Variants in LCORL observed in about 807,000 individuals in gnomAD.
LCORL encodes ligand-dependent nuclear receptor corepressor-like protein.
Under a neutral mutation model 141.8 loss-of-function variants are expected in LCORL, and 41 were observed. The observed-to-expected ratio is 0.29, with a 90% CI of 0.23 to 0.38. The LOEUF is 0.38. Ranked by LOEUF, LCORL falls within the 10% of genes least tolerant of loss-of-function variation. The pLI is 1.00. For missense variants in LCORL, 1,759 were observed against 2,035.0 expected (o/e 0.86, Z 2.61); for synonymous variants, 618 against 694.1 (o/e 0.89, Z 1.72).
rs7658714 is a variant in LCORL at position 17,900,968 on chromosome 4, C to T, written c.682+8126G>A. Among the ~76,000 whole-genome samples, 436 of 151,320 alleles carry T rather than the reference C, an allele frequency of 2.9e-3. 2 individuals are homozygous for T. Among genetic ancestry groups the T allele is most frequent in the African/African-American group, 8.8e-3 (359 of 41,008 alleles). ...GAAAGGAAATCTGCTTCCCCTGTCACCTCATCAAACTGCTTGTGACCCATG... is the reference window on the plus strand; with the variant it reads ...GAAAGGAAATCTGCTTCCCCTGTCATCTCATCAAACTGCTTGTGACCCATG... On this transcript the variant is annotated intron_variant, in intron 5 of 7. Coordinates refer to ENST00000635767, the Ensembl canonical transcript of LCORL.
At position 17,999,271 on chromosome 4, in the gene LCORL, G is replaced by C. The variant is rs1267270365; in HGVS notation, c.154+22327C>G. On this transcript the variant is annotated intron_variant, in intron 1 of 7. Transcript: ENST00000635767. ...GATGGAGACCAGCCTGGTGAACACGGTGAAACCCCGTCTCTACTAAAAATA... is the reference window on the plus strand; with the variant it reads ...GATGGAGACCAGCCTGGTGAACACGCTGAAACCCCGTCTCTACTAAAAATA... 2.6e-5 allele frequency among the ~76,000 whole-genome samples: 4 copies of C among 151,746 alleles called. 1 individual carries two copies. The East Asian group carries it at 7.8e-4, about 30-fold the overall frequency.
intron 7 of LCORL, among the ~76,000 whole-genome samples, chr4:17,861,682 C>G (rs563257883): frequency 1.3e-5 from 2 of 152,122 alleles, no homozygotes; most frequent in African/African-American, 4.8e-5. Context: ...GCAAATTTTC[C>G]GAACTTTTAT....
At chr4:17,930,108 G>A (rs1327300961) in intron 4 of LCORL, among the ~76,000 whole-genome samples, 1 of 152,144 alleles carries the variant, frequency 6.6e-6, no homozygotes, top group Non-Finnish European at 1.5e-5. Flanking sequence ...ATAATAACAA[G>A]TATTGTGGAG....
At chr4:17,953,127 T>G (rs1272436938) in intron 4 of LCORL, among the ~76,000 whole-genome samples, 1 of 152,234 alleles carries the variant, frequency 6.6e-6, no homozygotes, top group Non-Finnish European at 1.5e-5. Context: ...GCACCACATT[T>G]TCTTTATCCA....
At chr4:17,885,548 C>T (rs1193427347) in intron 6 of LCORL, among the ~76,000 whole-genome samples, 4 of 151,704 alleles carry the variant, frequency 2.6e-5, no homozygotes, top group Non-Finnish European at 4.4e-5. Context: ...CATTTCACTA[C>T]TAATTATTTA....
chr4:17,946,842 T>C (rs565959120), intron 4 of LCORL, among the ~76,000 whole-genome samples: 57 of 151,986 alleles, frequency 3.8e-4, no homozygotes, highest in South Asian at 6.2e-4. Context: ...GTGAGGCATA[T>C]AGAAACTAAG....
chr4:17,864,852 T>C (rs531762084), intron 7 of LCORL, among the ~76,000 whole-genome samples: 4 of 152,296 alleles, frequency 2.6e-5, no homozygotes, highest in East Asian at 3.9e-4. Flanking sequence ...ACAACTCTAG[T>C]AGTTATCAGA....
intron 1 of LCORL, among the ~76,000 whole-genome samples, chr4:17,990,995 A>G (rs1011967399): frequency 6.6e-6 from 1 of 152,236 alleles, no homozygotes; most frequent in Non-Finnish European, 1.5e-5. Flanking sequence ...AAAAAAATAA[A>G]AATAAAAAGC....
chr4:17,966,024 G>A (rs1305612113), intron 2 of LCORL, among the ~76,000 whole-genome samples: 1 of 152,034 alleles, frequency 6.6e-6, no homozygotes, highest in African/African-American at 2.4e-5. Flanking sequence ...TGGTCTGAGG[G>A]AAAGATACTA....
intron 4 of LCORL, among the ~76,000 whole-genome samples, chr4:17,959,545 T>C (rs1371636915): frequency 6.6e-6 from 1 of 152,092 alleles, no homozygotes; most frequent in Admixed American, 6.6e-5. Flanking sequence ...TCACAACTGA[T>C]GATATCAATC....
chr4:17,902,770 C>A (rs1207522820), intron 5 of LCORL, among the ~76,000 whole-genome samples: 1 of 151,804 alleles, frequency 6.6e-6, no homozygotes, highest in East Asian at 1.9e-4. Flanking sequence ...CACTTGAAGC[C>A]TACTTAGTAT....
chr4:17,892,545 C>A (rs948270300), intron 5 of LCORL, among the ~76,000 whole-genome samples: 1 of 151,940 alleles, frequency 6.6e-6, no homozygotes, highest in East Asian at 1.9e-4. Flanking sequence ...TATTTTCTTC[C>A]CGATGTGTTT....
At chr4:18,011,332 A>G (rs188950353) in intron 1 of LCORL, among the ~76,000 whole-genome samples, 10 of 152,296 alleles carry the variant, frequency 6.6e-5, no homozygotes. Flanking sequence ...TGAGCTTCTT[A>G]AAACTATTGC....
At chr4:18,008,249 G>A (rs981246156) in intron 1 of LCORL, among the ~76,000 whole-genome samples, 4 of 152,116 alleles carry the variant, frequency 2.6e-5, no homozygotes, top group Non-Finnish European at 5.9e-5. Context: ...GTAAAAGCAA[G>A]AAAAAAATTA....
At position 17,948,802 on chromosome 4, in the gene LCORL, AACAATTTTCAGAGGAGTAAAGAG is replaced by A. The variant is rs1240201323; in HGVS notation, c.430+13078_430+13100del. On this transcript the variant is annotated intron_variant, in intron 4 of 7. Transcript: ENST00000635767. ...GGAAAAAAAAAGGGAGAAAATGGGA[AACAATTTTCAGAGGAGTAAAGAG>A]ACAATTTTCAGAGGAGTAAAGAGAC... Among the ~76,000 whole-genome samples, 1,171 of 152,190 alleles carry A rather than the reference AACAATTTTCAGAGGAGTAAAGAG, an allele frequency of 7.7e-3. 11 individuals are homozygous for A. The highest frequency in any genetic ancestry group is 0.027 in the African/African-American group (1,102 of 41,548).
At chr4:17,842,436 A>G (rs1441763046) in exon 8 of LCORL, 1 of 1,423,322 alleles carries the variant, frequency 7.0e-7, no homozygotes, top group Non-Finnish European at 9.8e-7. Context: ...TATTTCTACA[A>G]GTAGAAAAAA....
chr4:17,882,052 A>C (rs1311116593), intron 6 of LCORL: 1 of 983,682 alleles, frequency 1.0e-6, no homozygotes, highest in African/African-American at 1.8e-5. Flanking sequence ...TTAAGTATAG[A>C]TCTCAGAGAC....
At chr4:17,941,346 C>T (rs1737925903) in intron 4 of LCORL, among the ~76,000 whole-genome samples, 2 of 151,994 alleles carry the variant, frequency 1.3e-5, no homozygotes, top group African/African-American at 4.8e-5. Context: ...TTTTTATATG[C>T]TACTCAGGAG....
At chr4:17,893,630 T>A (rs1577348061) in intron 5 of LCORL, 1 of 983,688 alleles carries the variant, frequency 1.0e-6, no homozygotes. Context: ...CATTTTCTTA[T>A]TTGTTTTCTA....
Sources: allele counts gnomAD v4.1 joint callset (sites outside exome capture counted in the v4.1 genomes callset), GRCh38; gene constraint gnomAD v4.1.1; transcripts MANE v1.5; gene names NCBI Gene and HGNC (gene_info 2026-07-23, HGNC 2026-07-21).